Variants in LARGE1 observed in about 807,000 individuals in gnomAD.
LARGE1 encodes xylosyl- and glucuronyltransferase LARGE1.
Under a neutral mutation model 87.6 loss-of-function variants are expected in LARGE1, and 43 were observed. That is an observed-to-expected ratio of 0.49 (90% CI 0.38 to 0.63). The LOEUF (loss-of-function observed/expected upper bound fraction) is 0.63, where lower values mean the gene tolerates loss of function less well. LARGE1 is among the 30% of genes least tolerant of loss of function. The pLI is 0.00. For synonymous variants in LARGE1, 434 were observed against 394.6 expected (o/e 1.10, Z -1.18); for missense variants, 802 against 1,000.2 (o/e 0.80, Z 2.67).
chr22:33,668,384 C>G (rs1424423770), intron 2 of LARGE1, among the ~76,000 whole-genome samples: 3 of 152,166 alleles, frequency 2.0e-5, no homozygotes, highest in Non-Finnish European at 2.9e-5. Flanking sequence ...TTCCACTGAG[C>G]ACTTACCTTG....
chr22:33,756,884 G>A (rs1224275595), intron 2 of LARGE1, among the ~76,000 whole-genome samples: 1 of 152,196 alleles, frequency 6.6e-6, no homozygotes, highest in African/African-American at 2.4e-5. Context: ...GCCGAGCTTA[G>A]ACTCAACAGG....
intron 2 of LARGE1, among the ~76,000 whole-genome samples, chr22:33,704,111 G>A (rs995183761): frequency 6.6e-6 from 1 of 152,196 alleles, no homozygotes; most frequent in East Asian, 1.9e-4. Flanking sequence ...ATGACCACAT[G>A]TCTAATTATC....
At chr22:33,501,004 C>T (rs367650283) in intron 6 of LARGE1, among the ~76,000 whole-genome samples, 32 of 152,030 alleles carry the variant, frequency 2.1e-4, no homozygotes, top group Non-Finnish European at 1.8e-4. Flanking sequence ...GGTGGAGGTG[C>T]GGGCGCCCAT....
chr22:33,565,114 CA>C (rs1252607464), intron 5 of LARGE1, 95 bp from the exon 6 acceptor site: 4 of 1,060,864 alleles, frequency 3.8e-6, no homozygotes, highest in Non-Finnish European at 5.7e-6. Context: ...GCCTAGCACA[CA>C]AAAAGTATCC....
rs140965357 is a variant in LARGE1 at position 33,192,468 on chromosome 22, T to C, written c.1731-25636A>G. Among the ~76,000 whole-genome samples, 753 of 152,314 alleles carry C rather than the reference T, an allele frequency of 4.9e-3. 6 individuals carry two copies. Among genetic ancestry groups the C allele is most frequent in the Middle Eastern group, 0.034 (10 of 294 alleles). ...AAACCTGTTGGCCATTTGTGTGTCT[T>C]CGTTTGAGAAATGTCTTTTCAGTTC... On this transcript the variant is annotated intron_variant, in intron 11 of 11. Transcript: ENST00000608642.
At chr22:33,227,754 C>A (rs1925808577) in intron 11 of LARGE1, among the ~76,000 whole-genome samples, 1 of 152,252 alleles carries the variant, frequency 6.6e-6, no homozygotes, top group African/African-American at 2.4e-5. Flanking sequence ...TGCTTAGCTG[C>A]ACAAGTAGTG....
At chr22:33,409,227 G>A (rs2066218629) in intron 7 of LARGE1, among the ~76,000 whole-genome samples, 2 of 152,158 alleles carry the variant, frequency 1.3e-5, no homozygotes, top group South Asian at 4.1e-4. Context: ...AAGGGCTCAG[G>A]GGGACAAGGA....
At chr22:33,136,072 TTTAAGTAATTGGA>T in the LARGE1 span, among the ~76,000 whole-genome samples, 118 of 152,276 alleles carry the variant, frequency 7.7e-4, no homozygotes, top group Middle Eastern at 3.4e-3. Context: ...ACTCAGAGAA[TTTAAGTAATTGGA>T]CTAGGTGCTG....
intron 2 of LARGE1, among the ~76,000 whole-genome samples, chr22:33,717,766 T>C (rs1007752481): frequency 1.3e-5 from 2 of 152,178 alleles, no homozygotes; most frequent in African/African-American, 4.8e-5. Context: ...TGAAAACTAA[T>C]AAAATCATAC....
chr22:33,846,453 G>T (rs562350836), intron 1 of LARGE1, among the ~76,000 whole-genome samples: 1 of 152,226 alleles, frequency 6.6e-6, no homozygotes, highest in Admixed American at 6.5e-5. Flanking sequence ...TGCGTTAACT[G>T]CACAAATTGT....
the LARGE1 span, among the ~76,000 whole-genome samples, chr22:33,144,605 G>T: frequency 6.6e-6 from 1 of 152,112 alleles, no homozygotes; most frequent in African/African-American, 2.4e-5. Flanking sequence ...TGAGAATGAT[G>T]CAACCATACT....
At chr22:33,740,930 C>T (rs552174560) in intron 2 of LARGE1, among the ~76,000 whole-genome samples, 2 of 152,292 alleles carry the variant, frequency 1.3e-5, no homozygotes, top group East Asian at 3.9e-4. Context: ...GACATTTGGG[C>T]CTGAGAGTTT....
intron 6 of LARGE1, among the ~76,000 whole-genome samples, chr22:33,517,638 A>C (rs1287089082): frequency 6.6e-6 from 1 of 151,868 alleles, no homozygotes; most frequent in Non-Finnish European, 1.5e-5. Flanking sequence ...CTGACTTGTG[A>C]TCCGCCTGCC....
intron 5 of LARGE1, among the ~76,000 whole-genome samples, chr22:33,579,152 G>T (rs1056197100): frequency 2.0e-5 from 3 of 152,160 alleles, no homozygotes; most frequent in African/African-American, 7.2e-5. Flanking sequence ...AGGTGTTGTG[G>T]GAGGGACCTG....
chr22:33,534,209 C>T (rs113816409), intron 6 of LARGE1, among the ~76,000 whole-genome samples: 6,685 of 151,860 alleles, frequency 0.044, 470 homozygotes, highest in African/African-American at 0.15. Flanking sequence ...TCGAGACCAT[C>T]CTGGCCAGCA....
intron 1 of LARGE1, among the ~76,000 whole-genome samples, chr22:33,800,491 C>T (rs1199837871): frequency 6.6e-6 from 1 of 152,130 alleles, no homozygotes; most frequent in African/African-American, 2.4e-5. Flanking sequence ...ACCACCATCA[C>T]AATCAAGATA....
At chr22:33,771,016 G>T (rs1240720401) in intron 1 of LARGE1, among the ~76,000 whole-genome samples, 2 of 152,036 alleles carry the variant, frequency 1.3e-5, no homozygotes, top group Admixed American at 6.6e-5. Flanking sequence ...AACCTGCATG[G>T]TTTAAAATGT....
intron 6 of LARGE1, among the ~76,000 whole-genome samples, chr22:33,499,949 T>A (rs1167905913): frequency 6.6e-6 from 1 of 152,154 alleles, no homozygotes; most frequent in Admixed American, 6.5e-5. Context: ...ACATTTTGTA[T>A]TTTTAGTAGA....
rs56192894 is a variant in LARGE1 at position 33,728,576 on chromosome 22, A to AAAAAAAAAC, written c.106+32794_106+32795insGTTTTTTTT. Among the ~76,000 whole-genome samples, 119 of 103,744 alleles carry AAAAAAAAAC rather than the reference A, an allele frequency of 1.1e-3. 21 individuals are homozygous for AAAAAAAAAC. Among genetic ancestry groups the AAAAAAAAAC allele is most frequent in the Non-Finnish European group, 1.5e-3 (70 of 48,078 alleles). The allele number at this position is 103,744 out of a possible 152,430, so 68.1% of individuals were successfully genotyped here. On this transcript the variant is annotated intron_variant, in intron 2 of 14. Coordinates refer to ENST00000397394, the MANE Select transcript of LARGE1 (RefSeq NM_133642.5). ...CAAAAAAAAAAAAAAAAAAAAAAAAAAAACCAACAACAGAGACACATTTCC... is the reference window on the plus strand; with the variant it reads ...CAAAAAAAAAAAAAAAAAAAAAAAAAAAAAAAAACAAACCAACAACAGAGACACATTTCC...
Sources: gnomAD v4.1 joint callset for allele counts (sites outside exome capture counted in the v4.1 genomes callset) on GRCh38, gnomAD v4.1.1 for gene constraint, MANE v1.5 for transcripts, NCBI Gene and HGNC (gene_info 2026-07-23, HGNC 2026-07-21) for gene names.